C2CD5: variants seen among roughly 807,000 people sequenced by gnomAD.
C2CD5 encodes C2 calcium dependent domain containing 5, also known as C2 domain-containing protein 5.
Under a neutral mutation model 130.3 loss-of-function variants are expected in C2CD5, and 109 were observed. The ratio of observed to expected loss-of-function variants is 0.84; its 90% CI spans 0.72 to 0.98. C2CD5 has a LOEUF of 0.98. C2CD5 is among the 50% of genes least tolerant of loss of function. The pLI is 0.00. For missense variants in C2CD5, 996 were observed against 1,261.8 expected (o/e 0.79, Z 3.19); for synonymous variants, 454 against 429.2 (o/e 1.06, Z -0.71).
At chr12:22,505,745 C>T (rs1195106820) in intron 10 of C2CD5, among the ~76,000 whole-genome samples, 3 of 152,058 alleles carry the variant, frequency 2.0e-5, no homozygotes, top group Non-Finnish European at 2.9e-5. Context: ...ACTTTGATGC[C>T]TACTCGCTTT....
chr12:22,471,337 C>A, intron 20 of C2CD5, 62 bp downstream of exon 20: 1 of 900,352 alleles, frequency 1.1e-6, no homozygotes, highest in South Asian at 1.6e-5. Context: ...TTATGATAAA[C>A]AGATAATGAA....
Position 22,518,114 on chromosome 12 carries a change from T to A in C2CD5, c.824A>T (p.Asn275Ile). 6.2e-7 allele frequency: 1 copy of A among 1,613,862 alleles called. No homozygotes were observed. The highest frequency in any genetic ancestry group is 8.5e-7 in the Non-Finnish European group (1 of 1,179,828). The change falls in exon 8 of 27, where the codon AAT (asparagine) becomes ATT (isoleucine). Residue 275 changes from asparagine (N) to isoleucine (I), a missense_variant. Around this residue, in one of 9 missense-constraint regions of C2CD5, gnomAD observed 156 missense variants for 165.9 expected, o/e 0.94. Transcript: ENST00000446597. ...MKEIPFNEDPNPNTHSSGPST... is the reference protein window; with the variant it reads ...MKEIPFNEDPIPNTHSSGPST... The stretch of plus-strand genomic sequence containing the variant: ...GGGTCCTGATGAGTGAGTATTGGGA[T>A]TGGGATCTTCATTGAAGGGAATCCT...
At chr12:22,458,815 TTG>T (rs1029874312) in intron 23 of C2CD5, 14 of 301,564 alleles carry the variant, frequency 4.6e-5, no homozygotes, top group African/African-American at 1.3e-4. Context: ...GATGTCATAG[TTG>T]TGTGGTCTCC....
At chr12:22,515,123 T>C (rs1565770799) in intron 8 of C2CD5, 8 of 984,878 alleles carry the variant, frequency 8.1e-6, no homozygotes, top group Non-Finnish European at 7.2e-6. Context: ...GGGACACAGG[T>C]AAATCCTAGG....
chr12:22,459,637 A>C (rs544515973), intron 22 of C2CD5, 95 bp from the exon 23 acceptor site: 2 of 683,302 alleles, frequency 2.9e-6, no homozygotes, highest in East Asian at 5.9e-5. Flanking sequence ...AGCCAGAAGA[A>C]TAGGAGGAAA....
chr12:22,523,557 T>C lies in C2CD5; in HGVS notation c.669A>G (p.Leu223=). The change falls in exon 7 of 27, where the codon TTA becomes TTG. Residue 223 remains leucine (L), a synonymous_variant. Coordinates refer to ENST00000446597, the MANE Select transcript of C2CD5 (RefSeq NM_001286176.2). ...ACTCGCCCTCCAGATCGAAACACTG[T>C]AAGTACCCCACAACTGCATTTCCTC... ...EMRGNAVVGY[L]QCFDLEGESG... is the part of the protein sequence containing the mutation. 1 of 1,613,962 alleles carries C rather than the reference T, an allele frequency of 6.2e-7. No individual in the cohort carries two copies. The highest frequency in any genetic ancestry group is 2.2e-5 in the East Asian group (1 of 44,870).
At chr12:22,499,551 C>A (rs938795361) in intron 10 of C2CD5, among the ~76,000 whole-genome samples, 1 of 152,086 alleles carries the variant, frequency 6.6e-6, no homozygotes, top group Non-Finnish European at 1.5e-5. Context: ...GCTCTCCTAT[C>A]ACCACCAAAA....
intron 22 of C2CD5, among the ~76,000 whole-genome samples, chr12:22,467,764 G>A (rs959609646): frequency 2.6e-5 from 4 of 152,064 alleles, no homozygotes; most frequent in African/African-American, 9.7e-5. Flanking sequence ...TGTTCAAATA[G>A]GACTTACTCT....
At chr12:22,518,567 T>C (rs973590967) in intron 7 of C2CD5, among the ~76,000 whole-genome samples, 1 of 152,058 alleles carries the variant, frequency 6.6e-6, no homozygotes, top group Non-Finnish European at 1.5e-5. Flanking sequence ...TGTTTCCTTA[T>C]CCTATAGCAG....
chr12:22,458,335 T>C, intron 24 of C2CD5, 149 bp downstream of exon 24: 1 of 397,078 alleles, frequency 2.5e-6, no homozygotes, highest in Non-Finnish European at 4.4e-6. Context: ...AAGCTTTTCC[T>C]AAATGACCGT....
chr12:22,536,939 C>G (rs748560103), intron 2 of C2CD5, among the ~76,000 whole-genome samples: 13 of 151,888 alleles, frequency 8.6e-5, no homozygotes, highest in Admixed American at 1.3e-4. Context: ...ATTTTCATTC[C>G]ATTTAAATAT....
intron 9 of C2CD5, chr12:22,512,524 C>T: frequency 1.5e-6 from 1 of 654,070 alleles, no homozygotes; most frequent in Non-Finnish European, 2.4e-6. Context: ...AAAAACTTTG[C>T]ATTACGAAAA....
In C2CD5 at chr12:22,527,331, T is replaced by TATATA. The variant is rs577439968; in HGVS notation, c.349+389_349+390insTATAT. 2.4e-3 allele frequency among the ~76,000 whole-genome samples: 279 copies of TATATA among 117,692 alleles called. 1 individual carries two copies. Among genetic ancestry groups the TATATA allele is most frequent in the African/African-American group, 9.1e-3 (266 of 29,080 alleles). The allele number at this position is 117,692 out of a possible 152,430, so 77.2% of individuals were successfully genotyped here. On this transcript the variant is annotated intron_variant, in intron 4 of 26. Coordinates refer to ENST00000446597, the MANE Select transcript of C2CD5 (RefSeq NM_001286176.2). ...TATATTATATACATATATATATATA[T>TATATA]TTTTTTTTTTTTTTTTTGAGCTAGA...
chr12:22,497,644 TAGAG>T, intron 10 of C2CD5: 1 of 920,340 alleles, frequency 1.1e-6, no homozygotes, highest in Non-Finnish European at 1.3e-6. Context: ...AAAAAGAAAT[TAGAG>T]AGTTCAGGTT....
At chr12:22,451,822 C>T (rs550887860) in intron 26 of C2CD5, among the ~76,000 whole-genome samples, 1 of 152,136 alleles carries the variant, frequency 6.6e-6, no homozygotes, top group East Asian at 1.9e-4. Context: ...TGTGGAAGAC[C>T]TTGTATGACA....
chr12:22,484,673 C>G lies in C2CD5; in HGVS notation c.1550+24G>C, dbSNP rs117993613. ...CTATCTCATACTTTTTCAGGGACACCGAGTGTTGTTTTCACAAACATACCT... is the reference window on the plus strand; with the variant it reads ...CTATCTCATACTTTTTCAGGGACACGGAGTGTTGTTTTCACAAACATACCT... On this transcript the variant is annotated intron_variant, in intron 13 of 26. Transcript: ENST00000446597. The G allele has an allele frequency of 1.4e-3, 1,994 of 1,394,452 alleles. 45 individuals carry two copies. In the East Asian group the frequency reaches 0.044, roughly 31 times the overall value. The allele number at this position is 1,394,452 out of a possible 1,614,324, so 86.4% of individuals were successfully genotyped here. A position where few individuals can be genotyped will look rare whatever the true frequency, so the allele number is the denominator to read the frequency against.
intron 16 of C2CD5, among the ~76,000 whole-genome samples, chr12:22,473,219 AT>A (rs1355000213): frequency 3.9e-5 from 6 of 152,106 alleles, no homozygotes; most frequent in Non-Finnish European, 7.4e-5. Flanking sequence ...TCTAAACTCT[AT>A]TTTTTTAATA....
chr12:22,469,600 T>C, intron 22 of C2CD5, 109 bp downstream of exon 22: 1 of 566,284 alleles, frequency 1.8e-6, no homozygotes, highest in Non-Finnish European at 3.1e-6. Context: ...AATGAGGGAA[T>C]GAAGGATAAA....
intron 11 of C2CD5, among the ~76,000 whole-genome samples, chr12:22,491,241 GAACTC>G (rs1350081967): frequency 6.6e-6 from 1 of 152,156 alleles, no homozygotes; most frequent in East Asian, 1.9e-4. Context: ...TAAATTAACT[GAACTC>G]ATTTGCAGAC....
Sources: gnomAD v4.1 joint callset for allele counts (sites outside exome capture counted in the v4.1 genomes callset) on GRCh38, gnomAD v4.1.1 for gene constraint, gnomAD v4.1.1 regional missense constraint, MANE v1.5 for transcripts, NCBI Gene and HGNC (gene_info 2026-07-23, HGNC 2026-07-21) for gene names.